Variants in FLNB observed in about 807,000 individuals in gnomAD.
FLNB encodes the protein filamin B.
In FLNB, 111 loss-of-function variants were observed where a neutral mutation model predicts 250.6. The observed-to-expected ratio is 0.44, with a 90% CI of 0.38 to 0.52. The LOEUF is 0.52. FLNB is among the 20% of genes least tolerant of loss of function. FLNB has a pLI of 0.00. For missense variants in FLNB, 2,869 were observed against 3,447.8 expected, an observed-to-expected ratio of 0.83 and a Z score of 4.20; for synonymous variants, 1,302 against 1,372.1, an observed-to-expected ratio of 0.95 and a Z score of 1.13.
At chr3:58,137,192 T>A (rs1301442557) in intron 28 of FLNB, among the ~76,000 whole-genome samples, 2 of 152,214 alleles carry the variant, frequency 1.3e-5, no homozygotes, top group African/African-American at 4.8e-5. Context: ...CCCATCTTTT[T>A]TTGAATGGAG....
intron 2 of FLNB, 21 bp downstream of exon 2, chr3:58,077,315 A>AAAC (rs1367616029): frequency 2.5e-6 from 4 of 1,613,118 alleles, no homozygotes; most frequent in South Asian, 1.1e-5. Context: ...AGGGCTGCCT[A>AAAC]AACCATCTGT....
rs374928471 is a variant in FLNB, at chr3:58,125,616, C to T, written c.3934C>T (p.Pro1312Ser). The change falls in exon 23 of 46, where the codon CCT becomes TCT. Residue 1312 changes from proline to serine, a missense_variant. Coordinates refer to ENST00000295956, the MANE Select transcript of FLNB (RefSeq NM_001457.4). Reference protein sequence around the residue: ...HVVEVTYDDVPIPNSPFKVAV... With the variant: ...HVVEVTYDDVSIPNSPFKVAV... ...AGTGGAGGTGACATATGATGACGTG[C>T]CTATCCCAAACAGTCCCTTCAAGGT... 8.3e-5 allele frequency: 134 copies of T among 1,614,018 alleles called. No homozygotes were observed. Among genetic ancestry groups the T allele is most frequent in the Admixed American group, 1.7e-4 (10 of 60,004 alleles).
intron 1 of FLNB, among the ~76,000 whole-genome samples, chr3:58,049,693 G>A (rs939454398): frequency 3.3e-5 from 5 of 152,250 alleles, no homozygotes; most frequent in Middle Eastern, 6.8e-3. Context: ...CTTCCACCAC[G>A]GCCTGTGATT....
chr3:58,081,928 C>T, intron 4 of FLNB, 152 bp downstream of exon 4: 2 of 836,500 alleles, frequency 2.4e-6, no homozygotes, highest in Non-Finnish European at 4.0e-6. Flanking sequence ...CATTTTATGA[C>T]TGTTTTATTC....
chr3:58,094,404 C>T (rs1244103563), intron 4 of FLNB, among the ~76,000 whole-genome samples: 1 of 152,218 alleles, frequency 6.6e-6, no homozygotes, highest in Non-Finnish European at 1.5e-5. Flanking sequence ...TAAAATCTGT[C>T]TCGATGAATT....
rs1285693837 is a variant in FLNB at position 58,126,105 on chromosome 3, G to A, written c.4061+362G>A. Among the ~76,000 whole-genome samples, 3 of 152,204 alleles carry A rather than the reference G, an allele frequency of 2.0e-5. No individual in the cohort carries two copies. The East Asian group carries it at 5.8e-4, about 29-fold the overall frequency. On this transcript the variant is annotated intron_variant, in intron 23 of 45. Coordinates refer to ENST00000295956, the MANE Select transcript of FLNB (RefSeq NM_001457.4). The stretch of plus-strand genomic sequence containing the variant: ...TAGATAAGAAAAATAGGCTGGGTGT[G>A]GCGGCTCACACCTGTAATCTCAGCA...
chr3:58,102,997 C>G (rs1023404680), intron 9 of FLNB, among the ~76,000 whole-genome samples: 2 of 152,170 alleles, frequency 1.3e-5, no homozygotes, highest in Admixed American at 6.5e-5. Flanking sequence ...CACTTCTAGT[C>G]TCGGGTGTAG....
chr3:58,068,982 A>G (rs2097190069), intron 1 of FLNB, among the ~76,000 whole-genome samples: 1 of 151,920 alleles, frequency 6.6e-6, no homozygotes, highest in African/African-American at 2.4e-5. Context: ...CCCTGTCTCT[A>G]TAAAAAATTA....
chr3:58,046,575 G>A (rs1480670006), intron 1 of FLNB, among the ~76,000 whole-genome samples: 5 of 151,580 alleles, frequency 3.3e-5, no homozygotes, highest in Non-Finnish European at 7.4e-5. Context: ...TCAGCCTTCC[G>A]AGTAGCTGGG....
intron 1 of FLNB, among the ~76,000 whole-genome samples, chr3:58,023,844 C>T (rs1259924356): frequency 6.6e-6 from 1 of 152,178 alleles, no homozygotes; most frequent in African/African-American, 2.4e-5. Context: ...ATTGGGACTG[C>T]CAGGGTCTCT....
intron 1 of FLNB, 98 bp downstream of exon 1, chr3:58,008,954 C>T: frequency 3.4e-6 from 5 of 1,457,852 alleles, no homozygotes; most frequent in Non-Finnish European, 4.8e-6. Context: ...AGCGCGCCCC[C>T]ACCTCGGAGA....
At chr3:58,076,621 AT>A (rs1224866008) in intron 1 of FLNB, among the ~76,000 whole-genome samples, 382 of 140,854 alleles carry the variant, frequency 2.7e-3, no homozygotes, top group Middle Eastern at 3.7e-3. Context: ...TGCTCGGCTA[AT>A]TTTTTTTTTT....
intron 4 of FLNB, among the ~76,000 whole-genome samples, chr3:58,085,371 C>T (rs980083799): frequency 6.6e-6 from 1 of 152,214 alleles, no homozygotes; most frequent in African/African-American, 2.4e-5. Context: ...AGATGAAAGC[C>T]GGGGTCAGTT....
At chr3:58,051,996 C>T (rs1276112269) in intron 1 of FLNB, among the ~76,000 whole-genome samples, 1 of 152,112 alleles carries the variant, frequency 6.6e-6, no homozygotes, top group African/African-American at 2.4e-5. Flanking sequence ...AAGTGATTCT[C>T]GTGCCTCAGC....
At chr3:58,149,173 C>T (rs1398786286) in intron 36 of FLNB, 2 of 386,446 alleles carry the variant, frequency 5.2e-6, no homozygotes, top group South Asian at 4.6e-5. Context: ...CCCAGCGTCT[C>T]TCCAAGCAAA....
At chr3:58,143,825 G>A (rs2097331308) in intron 32 of FLNB, among the ~76,000 whole-genome samples, 1 of 152,250 alleles carries the variant, frequency 6.6e-6, no homozygotes, top group African/African-American at 2.4e-5. Flanking sequence ...TTGGGTCACA[G>A]TGCAGGCCTT....
rs555976908 is a variant in FLNB, at chr3:58,112,154, G to A, written c.2581G>A (p.Glu861Lys). The part of the protein sequence containing the change: ...EGPGLSKAGV[E>K]NGKPTHFTVY... ...TTCACAGTATATCTTTCCAGGTGTG[G>A]AAAATGGGAAACCGACCCACTTCAC... Residue 861 changes from glutamate to lysine, a missense_variant, in exon 18 of 46, where the codon GAA becomes AAA. By Grantham distance (56) the Glu-to-Lys change is moderately conservative. Around this residue, in one of 5 missense-constraint regions of FLNB, gnomAD observed 1,348 missense variants for 1,466.7 expected, o/e 0.92. Coordinates refer to ENST00000295956, the MANE Select transcript of FLNB (RefSeq NM_001457.4). 1 of 1,614,058 alleles carries A rather than the reference G, an allele frequency of 6.2e-7. No individual in the cohort carries two copies. Among genetic ancestry groups the A allele is most frequent in the East Asian group, 2.2e-5 (1 of 44,888 alleles).
chr3:58,009,208 C>T (rs937195180), intron 1 of FLNB, among the ~76,000 whole-genome samples: 2 of 152,118 alleles, frequency 1.3e-5, no homozygotes, highest in Admixed American at 6.5e-5. Flanking sequence ...TCGCTGTCCC[C>T]GGGGGCGGGC....
chr3:58,125,016 A>G (rs944040396), intron 22 of FLNB, among the ~76,000 whole-genome samples: 3 of 152,172 alleles, frequency 2.0e-5, no homozygotes, highest in Non-Finnish European at 4.4e-5. Flanking sequence ...GAATGAGAGT[A>G]GTCTGTTTAG....
Sources: allele counts gnomAD v4.1 joint callset (sites outside exome capture counted in the v4.1 genomes callset), GRCh38; gene constraint gnomAD v4.1.1; regional missense constraint gnomAD v4.1.1; transcripts MANE v1.5; gene names NCBI Gene and HGNC (gene_info 2026-07-23, HGNC 2026-07-21).